MAGI1: variants seen among roughly 807,000 people sequenced by gnomAD.
The protein encoded by MAGI1 is membrane associated guanylate kinase, WW and PDZ domain containing 1.
MAGI1 carries 58 observed loss-of-function variants against 139.9 expected under a neutral mutation model. That is an observed-to-expected ratio of 0.41 (90% CI 0.34 to 0.52). The LOEUF is 0.52. MAGI1 is among the 20% of genes least tolerant of loss of function. The probability of loss-of-function intolerance (pLI) is 0.12; values close to 1 mark genes in which losing one functional copy is unlikely to be tolerated. For missense variants in MAGI1, 1,874 were observed against 1,901.6 expected (o/e 0.99, Z 0.27); for synonymous variants, 812 against 737.9 (o/e 1.10, Z -1.63).
intron 1 of MAGI1, among the ~76,000 whole-genome samples, chr3:65,844,877 G>A (rs2058932416): frequency 1.3e-5 from 2 of 152,158 alleles, no homozygotes; most frequent in African/African-American, 4.8e-5. Context: ...TTAAAGTTTA[G>A]GAAGACATCA....
At chr3:65,996,849 C>G (rs1023628384) in intron 1 of MAGI1, among the ~76,000 whole-genome samples, 2 of 152,154 alleles carry the variant, frequency 1.3e-5, no homozygotes, top group Non-Finnish European at 2.9e-5. Flanking sequence ...CCCGGGCGGC[C>G]AAGATAAAAG....
intron 14 of MAGI1, among the ~76,000 whole-genome samples, chr3:65,388,087 G>A (rs1201596825): frequency 1.3e-5 from 2 of 152,126 alleles, no homozygotes; most frequent in South Asian, 4.1e-4. Context: ...CAGGCAACAT[G>A]GCTTTTAAAG....
intron 1 of MAGI1, among the ~76,000 whole-genome samples, chr3:65,900,892 G>T (rs1432299200): frequency 2.6e-5 from 4 of 152,198 alleles, no homozygotes; most frequent in Non-Finnish European, 5.9e-5. Flanking sequence ...AGAGGAAGAA[G>T]TATATGCTAG....
At chr3:65,523,193 T>C (rs1158197175) in intron 2 of MAGI1, among the ~76,000 whole-genome samples, 1 of 152,190 alleles carries the variant, frequency 6.6e-6, no homozygotes, top group Non-Finnish European at 1.5e-5. Context: ...CTGTGTATGA[T>C]ACTATTACCA....
chr3:65,681,346 G>T (rs1341484280), intron 1 of MAGI1, among the ~76,000 whole-genome samples: 1 of 152,054 alleles, frequency 6.6e-6, no homozygotes. Context: ...CATTTCTCAC[G>T]AGAGTCCCTG....
chr3:65,549,092 C>CCCTGCGCT (rs1311293471), intron 2 of MAGI1, among the ~76,000 whole-genome samples: 1 of 152,108 alleles, frequency 6.6e-6, no homozygotes, highest in Non-Finnish European at 1.5e-5. Context: ...CCTGCTCGGG[C>CCCTGCGCT]CCTGCGCTCC....
chr3:65,816,526 A>C (rs990758909), intron 1 of MAGI1, among the ~76,000 whole-genome samples: 122 of 152,272 alleles, frequency 8.0e-4, no homozygotes, highest in Non-Finnish European at 4.6e-4. Flanking sequence ...GTTGACCGTA[A>C]ACAAAGTGGC....
At chr3:65,709,762 C>G (rs1053330773) in intron 1 of MAGI1, among the ~76,000 whole-genome samples, 1 of 152,172 alleles carries the variant, frequency 6.6e-6, no homozygotes, top group Non-Finnish European at 1.5e-5. Flanking sequence ...TTGCATTTGA[C>G]AGATTAAAAC....
At chr3:65,614,625 C>G (rs764681303) in intron 2 of MAGI1, among the ~76,000 whole-genome samples, 1 of 152,112 alleles carries the variant, frequency 6.6e-6, no homozygotes, top group Non-Finnish European at 1.5e-5. Flanking sequence ...CTCAGCCTCT[C>G]TGCTCCCCCT....
intron 1 of MAGI1, among the ~76,000 whole-genome samples, chr3:65,847,854 A>G (rs1400573480): frequency 6.6e-6 from 1 of 152,184 alleles, no homozygotes; most frequent in Non-Finnish European, 1.5e-5. Context: ...CACGTCACAG[A>G]AATAGCAGAG....
intron 1 of MAGI1, among the ~76,000 whole-genome samples, chr3:66,003,136 A>G (rs2066835987): frequency 6.6e-6 from 1 of 152,170 alleles, no homozygotes. Flanking sequence ...AAGACTGTGA[A>G]GATGAACAGG....
At chr3:65,526,335 T>C (rs1275940900) in intron 2 of MAGI1, among the ~76,000 whole-genome samples, 2 of 152,188 alleles carry the variant, frequency 1.3e-5, no homozygotes, top group Non-Finnish European at 2.9e-5. Context: ...GAAATGGCTA[T>C]TCCTTGATTG....
chr3:65,584,876 T>A lies in MAGI1; in HGVS notation c.430+37096A>T, dbSNP rs7621090. 6.9e-3 allele frequency among the ~76,000 whole-genome samples: 1,046 copies of A among 152,134 alleles called. 77 individuals are homozygous for A. In the East Asian group the frequency reaches 0.17, roughly 25 times the overall value. ...TAAATCTTTCTTGTACCAGGTACTG[T>A]GCTAGACACTGGTGCTATAATGGGA... On this transcript the variant is annotated intron_variant, in intron 2 of 22. Coordinates refer to ENST00000402939, the MANE Select transcript of MAGI1 (RefSeq NM_001033057.2).
chr3:65,373,854 C>T (rs561912457), intron 18 of MAGI1, among the ~76,000 whole-genome samples: 1 of 152,308 alleles, frequency 6.6e-6, no homozygotes, highest in South Asian at 2.1e-4. Context: ...TTTTCCTCCA[C>T]ATTTAGTGTG....
At position 65,695,992 on chromosome 3, in the gene MAGI1, C is replaced by A. The variant is rs964623449; in HGVS notation, c.314-73904G>T. 1.8e-4 allele frequency among the ~76,000 whole-genome samples: 27 copies of A among 152,190 alleles called. 1 individual carries two copies. Among genetic ancestry groups the A allele is most frequent in the Middle Eastern group, 3.2e-3 (1 of 316 alleles). The stretch of plus-strand genomic sequence containing the variant: ...AAAGGTAAGGCAGATGCTATCACAA[C>A]ACTTCTCAAACCCTCCAACAGCTCC... On this transcript the variant is annotated intron_variant, in intron 1 of 22. Transcript: ENST00000402939.
At chr3:65,564,212 TC>T (rs1305159232) in intron 2 of MAGI1, among the ~76,000 whole-genome samples, 1 of 151,282 alleles carries the variant, frequency 6.6e-6, no homozygotes, top group Non-Finnish European at 1.5e-5. Context: ...CTGGACCAGC[TC>T]CCCTGCCTTA....
At chr3:65,485,330 A>C (rs560228708) in intron 3 of MAGI1, among the ~76,000 whole-genome samples, 2 of 152,254 alleles carry the variant, frequency 1.3e-5, no homozygotes, top group South Asian at 4.1e-4. Context: ...CCACTGTTCT[A>C]TAATTAGCAG....
Position 65,820,523 on chromosome 3 carries a change from G to A in MAGI1, c.314-198435C>T, listed in dbSNP as rs77009166. The stretch of plus-strand genomic sequence containing the variant: ...TACTTTAGAAACATACACATTAGGC[G>A]TCCTTAATCTTTCGGGGTCATGAGC... On this transcript the variant is annotated intron_variant, in intron 1 of 22. Transcript: ENST00000402939. Among the ~76,000 whole-genome samples the A allele has an allele frequency of 3.4e-4, 52 of 152,142 alleles. No homozygotes were observed. In the East Asian group the frequency reaches 7.4e-3, roughly 22 times the overall value.
At chr3:65,569,949 A>T (rs180730978) in intron 2 of MAGI1, among the ~76,000 whole-genome samples, 31 of 151,894 alleles carry the variant, frequency 2.0e-4, no homozygotes, top group African/African-American at 7.2e-4. Context: ...ATTTTTACTG[A>T]AATACTTAGA....
Sources: allele counts gnomAD v4.1 joint callset (sites outside exome capture counted in the v4.1 genomes callset), GRCh38; gene constraint gnomAD v4.1.1; transcripts MANE v1.5; gene names NCBI Gene and HGNC (gene_info 2026-07-23, HGNC 2026-07-21).